Variants in GRIA3 observed in about 807,000 individuals in gnomAD.
GRIA3 encodes glutamate receptor 3.
Under a neutral mutation model 63.0 loss-of-function variants are expected in GRIA3, and 3 were observed. That is an observed-to-expected ratio of 0.05 (90% CI 0.02 to 0.12). The LOEUF is 0.12. Among genes scored for constraint, GRIA3 ranks in the 10% least tolerant of loss-of-function variants. The pLI is 1.00. For synonymous variants in GRIA3, 274 were observed against 257.9 expected (o/e 1.06, Z -0.60); for missense variants, 347 against 700.9 (o/e 0.50, Z 5.70).
chrX:123,211,248 C>T (rs186605692), intron 2 of GRIA3, among the ~76,000 whole-genome samples: 112 of 111,381 alleles, frequency 1.0e-3, no homozygotes, highest in African/African-American at 3.0e-3. Context: ...AGGTGCTATA[C>T]GTGATACTGC....
intron 7 of GRIA3, 27 bp from the exon 8 acceptor site, chrX:123,402,967 A>G: frequency 2.3e-6 from 2 of 854,005 alleles, no homozygotes; most frequent in South Asian, 4.0e-5. Context: ...TGCTATTTTT[A>G]AATTTTAAAT....
At chrX:123,286,772 A>G (rs2044622562) in intron 3 of GRIA3, among the ~76,000 whole-genome samples, 1 of 111,875 alleles carries the variant, frequency 8.9e-6, no homozygotes, top group Non-Finnish European at 1.9e-5. Context: ...GCAATAATTA[A>G]TAGCCTACCA....
chrX:123,278,856 T>A (rs984430476), intron 3 of GRIA3, among the ~76,000 whole-genome samples: 1 of 112,136 alleles, frequency 8.9e-6, no homozygotes, highest in Non-Finnish European at 1.9e-5. Context: ...AATCAAGTAA[T>A]GTGATGCCTC....
chrX:123,336,524 C>T (rs1203377015), intron 4 of GRIA3, among the ~76,000 whole-genome samples: 2 of 111,734 alleles, frequency 1.8e-5, no homozygotes, highest in Non-Finnish European at 3.8e-5. Flanking sequence ...CAGGTGGGGG[C>T]TTGAGGAGAT....
intron 3 of GRIA3, among the ~76,000 whole-genome samples, chrX:123,293,415 T>G (rs901743558): frequency 1.8e-5 from 2 of 111,319 alleles, no homozygotes; most frequent in Admixed American, 9.6e-5. Flanking sequence ...AAGGATAAGG[T>G]TGATAGAAAG....
intron 15 of GRIA3, among the ~76,000 whole-genome samples, chrX:123,483,765 T>C (rs1569443474): frequency 9.0e-6 from 1 of 111,604 alleles, no homozygotes; most frequent in Admixed American, 9.5e-5. Flanking sequence ...ACCCTGTCTC[T>C]ACTAAAAATA....
intron 12 of GRIA3, among the ~76,000 whole-genome samples, chrX:123,457,079 A>T (rs1046659789): frequency 6.2e-5 from 7 of 112,094 alleles, no homozygotes; most frequent in Non-Finnish European, 1.3e-4. Context: ...AGAGACAGCA[A>T]AATGAGTGAG....
rs1380977085 is a variant in GRIA3 at position 123,300,306 on chromosome X, A to G, written c.509-25720A>G. ...GAATAGTTTCAGTTGGAATGGTTCC[A>G]GCTCTTCTTTGTACATGTGGTAGAA... On this transcript the variant is annotated intron_variant, in intron 3 of 15. Coordinates refer to ENST00000620443, the MANE Select transcript of GRIA3 (RefSeq NM_007325.5). Among the ~76,000 whole-genome samples the G allele has an allele frequency of 1.6e-4, 17 of 103,603 alleles. No individual in the cohort carries two copies. The Admixed American group carries it at 1.8e-3, about 11-fold the overall frequency. 90.0% of individuals were successfully genotyped at this position (103,603 alleles called of 115,157 possible).
chrX:123,348,181 A>C (rs1330274602), intron 4 of GRIA3, among the ~76,000 whole-genome samples: 1 of 112,240 alleles, frequency 8.9e-6, no homozygotes, highest in Non-Finnish European at 1.9e-5. Context: ...ATGATTTTGC[A>C]AAGTCTATAG....
Position 123,465,083 on chromosome X carries a change from T to C in GRIA3, c.2295T>C (p.Gly765=), listed in dbSNP as rs1569441289. Residue 765 remains glycine, a synonymous_variant, in exon 13 of 16, where the codon GGT becomes GGC. Coordinates refer to ENST00000620443, the MANE Select transcript of GRIA3 (RefSeq NM_007325.5). The part of the protein sequence containing the change: ...VGGNLDSKGY[G]VATPKGSALR... ...GAAATCTGGATTCCAAAGGCTATGG[T>C]GTGGCAACCCCTAAAGGCTCAGCAT... The C allele has an allele frequency of 8.3e-7, 1 of 1,209,047 alleles. No homozygotes were observed. The highest frequency in any genetic ancestry group is 1.1e-6 in the Non-Finnish European group (1 of 893,189).
chrX:123,416,325 T>C (rs1482562811), intron 10 of GRIA3, among the ~76,000 whole-genome samples: 1 of 111,874 alleles, frequency 8.9e-6, no homozygotes. Context: ...GGTAGGGGTA[T>C]TGAGGCATTA....
chrX:123,218,592 T>C, intron 2 of GRIA3, among the ~76,000 whole-genome samples: 1 of 110,929 alleles, frequency 9.0e-6, no homozygotes, highest in Middle Eastern at 4.6e-3. Flanking sequence ...CCCGAGTAAA[T>C]GATGCTGATT....
chrX:123,264,359 A>G (rs2044476123), intron 3 of GRIA3, among the ~76,000 whole-genome samples: 1 of 111,898 alleles, frequency 8.9e-6, no homozygotes, highest in Non-Finnish European at 1.9e-5. Context: ...TGCAGTAGGG[A>G]AAAGCGTTCA....
chrX:123,289,770 AC>A (rs1383317173), intron 3 of GRIA3, among the ~76,000 whole-genome samples: 1 of 107,285 alleles, frequency 9.3e-6, no homozygotes, highest in Admixed American at 1.0e-4. Flanking sequence ...ACCACCCTCC[AC>A]CCCCCCAACC....
intron 12 of GRIA3, among the ~76,000 whole-genome samples, chrX:123,462,315 C>T (rs189705909): frequency 8.9e-6 from 1 of 111,958 alleles, no homozygotes; most frequent in East Asian, 2.8e-4. Context: ...TAGAATAAAT[C>T]CAAACTTTTT....
At chrX:123,201,853 C>T (rs888913181) in intron 2 of GRIA3, among the ~76,000 whole-genome samples, 5 of 111,560 alleles carry the variant, frequency 4.5e-5, no homozygotes, top group African/African-American at 1.3e-4. Context: ...AAAGTAAAGG[C>T]GCAGGAAAGT....
intron 15 of GRIA3, among the ~76,000 whole-genome samples, chrX:123,485,614 A>C (rs972055014): frequency 1.8e-5 from 2 of 111,652 alleles, no homozygotes; most frequent in East Asian, 5.6e-4. Flanking sequence ...CCAAGCCTCC[A>C]TATGCCCCAT....
At chrX:123,487,107 C>A (rs2045946096) in intron 15 of GRIA3, among the ~76,000 whole-genome samples, 1 of 112,532 alleles carries the variant, frequency 8.9e-6, no homozygotes, top group Non-Finnish European at 1.9e-5. Flanking sequence ...CTACCTGGTG[C>A]CTCTCTGGGT....
intron 4 of GRIA3, among the ~76,000 whole-genome samples, chrX:123,350,880 T>C: frequency 8.9e-6 from 1 of 112,514 alleles, no homozygotes. Context: ...ATAAATTTCC[T>C]TAAAACAATA....
Sources: allele counts gnomAD v4.1 joint callset (sites outside exome capture counted in the v4.1 genomes callset), GRCh38; gene constraint gnomAD v4.1.1; transcripts MANE v1.5; gene names NCBI Gene and HGNC (gene_info 2026-07-23, HGNC 2026-07-21).